Variants in EPHB1 observed in about 807,000 individuals in gnomAD.
The protein encoded by EPHB1 is EPH receptor B1, also known as ephrin type-B receptor 1.
In EPHB1, 30 loss-of-function variants were observed where a neutral mutation model predicts 94.4. The ratio of observed to expected loss-of-function variants is 0.32; its 90% CI spans 0.24 to 0.43. The LOEUF (loss-of-function observed/expected upper bound fraction) is 0.43, where lower values mean the gene tolerates loss of function less well. Among genes scored for constraint, EPHB1 ranks in the 20% least tolerant of loss-of-function variants. EPHB1 has a pLI of 1.00. For synonymous variants in EPHB1, 522 were observed against 489.1 expected (o/e 1.07, Z -0.89); for missense variants, 1,055 against 1,308.3 (o/e 0.81, Z 2.99).
At chr3:135,054,040 T>TATATATATATACACAC (rs377064799) in intron 3 of EPHB1, among the ~76,000 whole-genome samples, 2 of 139,812 alleles carry the variant, frequency 1.4e-5, no homozygotes, top group African/African-American at 5.5e-5. Context: ...TATATATATA[T>TATATATATATACACAC]ACACACACAC....
chr3:135,234,803 A>G (rs1002701332), intron 12 of EPHB1, among the ~76,000 whole-genome samples: 7 of 152,214 alleles, frequency 4.6e-5, no homozygotes, highest in African/African-American at 1.4e-4. Context: ...CTCACTCACT[A>G]TCATGAGAAC....
intron 9 of EPHB1, 79 bp downstream of exon 9, chr3:135,167,085 A>C: frequency 6.5e-7 from 1 of 1,529,082 alleles, no homozygotes; most frequent in Admixed American, 1.7e-5. Context: ...AGCTCTCTTT[A>C]TAGCCAGACT....
intron 1 of EPHB1, among the ~76,000 whole-genome samples, chr3:134,835,926 A>G (rs2036667786): frequency 6.6e-6 from 1 of 152,188 alleles, no homozygotes; most frequent in African/African-American, 2.4e-5. Context: ...ATGGGAGCTC[A>G]TTTGGTCCAA....
intron 2 of EPHB1, 65 bp downstream of exon 2, chr3:134,925,945 G>A (rs2107702284): frequency 2.8e-6 from 4 of 1,423,178 alleles, no homozygotes; most frequent in Non-Finnish European, 3.9e-6. Flanking sequence ...GATATCTAGG[G>A]GAGTAGAGAC....
chr3:135,130,902 G>A (rs551600060), intron 4 of EPHB1, among the ~76,000 whole-genome samples: 1 of 152,314 alleles, frequency 6.6e-6, no homozygotes, highest in African/African-American at 2.4e-5. Flanking sequence ...CAAGAGTTGC[G>A]TTGACTGCTG....
At chr3:134,998,219 C>A (rs1935057309) in intron 3 of EPHB1, among the ~76,000 whole-genome samples, 1 of 152,180 alleles carries the variant, frequency 6.6e-6, no homozygotes, top group African/African-American at 2.4e-5. Context: ...TGTCTTTACC[C>A]CCTCTCACAG....
At chr3:135,067,085 T>C (rs996150616) in intron 3 of EPHB1, among the ~76,000 whole-genome samples, 1 of 152,122 alleles carries the variant, frequency 6.6e-6, no homozygotes, top group Non-Finnish European at 1.5e-5. Context: ...CCTGTTCTGG[T>C]GGAGGTGGCA....
At chr3:135,251,032 G>A (rs2107732611) in intron 15 of EPHB1, among the ~76,000 whole-genome samples, 1 of 151,172 alleles carries the variant, frequency 6.6e-6, no homozygotes, top group South Asian at 2.1e-4. Flanking sequence ...CTGGAGTCCA[G>A]CTCTACCTCT....
At chr3:134,988,632 G>A (rs901469777) in intron 3 of EPHB1, among the ~76,000 whole-genome samples, 3 of 152,188 alleles carry the variant, frequency 2.0e-5, no homozygotes, top group Non-Finnish European at 2.9e-5. Flanking sequence ...GGCTGCCCAT[G>A]AGAGATACAT....
At chr3:134,854,207 T>C (rs1201106668) in intron 1 of EPHB1, among the ~76,000 whole-genome samples, 1 of 152,086 alleles carries the variant, frequency 6.6e-6, no homozygotes, top group Non-Finnish European at 1.5e-5. Flanking sequence ...AGGTGCTGCA[T>C]GAATATGTGT....
chr3:135,189,622 T>C (rs1220200508), intron 10 of EPHB1, among the ~76,000 whole-genome samples: 1 of 152,252 alleles, frequency 6.6e-6, no homozygotes, highest in African/African-American at 2.4e-5. Context: ...TCCAAACCAA[T>C]TCATCAGAAT....
At chr3:134,922,658 C>T (rs2038711419) in intron 1 of EPHB1, among the ~76,000 whole-genome samples, 1 of 152,222 alleles carries the variant, frequency 6.6e-6, no homozygotes, top group African/African-American at 2.4e-5. Context: ...GCTCCCTGCT[C>T]CTCCAACATG....
intron 1 of EPHB1, among the ~76,000 whole-genome samples, chr3:134,891,350 T>C (rs2037980105): frequency 6.6e-6 from 1 of 152,212 alleles, no homozygotes; most frequent in South Asian, 2.1e-4. Flanking sequence ...GCTCAAGTGA[T>C]CCACCTGCCT....
intron 2 of EPHB1, among the ~76,000 whole-genome samples, chr3:134,929,527 C>G (rs1356345921): frequency 6.6e-6 from 1 of 152,144 alleles, no homozygotes; most frequent in African/African-American, 2.4e-5. Context: ...GTTCTGGTTG[C>G]ACAGGAAAAA....
intron 1 of EPHB1, among the ~76,000 whole-genome samples, chr3:134,911,525 C>G (rs1320212588): frequency 6.6e-6 from 1 of 152,068 alleles, no homozygotes; most frequent in Non-Finnish European, 1.5e-5. Flanking sequence ...GGGTAGAAGT[C>G]TGGGGGCTGC....
intron 3 of EPHB1, among the ~76,000 whole-genome samples, chr3:135,024,599 C>T (rs1384237284): frequency 6.6e-6 from 1 of 152,156 alleles, no homozygotes; most frequent in East Asian, 1.9e-4. Context: ...GGTTGTCTAG[C>T]ACCTTTTTCC....
At chr3:135,162,892 C>T (rs1315244437) in intron 7 of EPHB1, among the ~76,000 whole-genome samples, 1 of 152,146 alleles carries the variant, frequency 6.6e-6, no homozygotes, top group Non-Finnish European at 1.5e-5. Context: ...CTGTGCCTAC[C>T]ACTTTCTCTC....
chr3:135,002,629 C>A (rs975109947), intron 3 of EPHB1, among the ~76,000 whole-genome samples: 3 of 151,968 alleles, frequency 2.0e-5, no homozygotes, highest in Admixed American at 2.0e-4. Context: ...ATTGCCACAA[C>A]TTCAGATCCT....
At chr3:135,186,411 C>T (rs970243659) in intron 10 of EPHB1, among the ~76,000 whole-genome samples, 13 of 152,140 alleles carry the variant, frequency 8.5e-5, no homozygotes, top group African/African-American at 2.9e-4. Flanking sequence ...CTGGTTTAGC[C>T]GTAACTCATT....
Sources: allele counts gnomAD v4.1 joint callset (sites outside exome capture counted in the v4.1 genomes callset), GRCh38; gene constraint gnomAD v4.1.1; transcripts MANE v1.5; gene names NCBI Gene and HGNC (gene_info 2026-07-23, HGNC 2026-07-21).